Variants in DPH6 observed in about 807,000 individuals in gnomAD.
The protein encoded by DPH6 is diphthamine biosynthesis 6.
DPH6 carries 33 observed loss-of-function variants against 38.2 expected under a neutral mutation model. The observed-to-expected ratio is 0.86, with a 90% CI of 0.65 to 1.15. DPH6 has a LOEUF of 1.15. Ranked by LOEUF, DPH6 falls within the 50% of genes most tolerant of loss-of-function variation. DPH6 has a pLI of 0.00. For synonymous variants in DPH6, 108 were observed against 103.0 expected, an observed-to-expected ratio of 1.05 and a Z score of -0.30; for missense variants, 325 against 320.0, an observed-to-expected ratio of 1.02 and a Z score of -0.12.
At chr15:35,168,812 A>C in the DPH6 span, among the ~76,000 whole-genome samples, 523 of 152,290 alleles carry the variant, frequency 3.4e-3, 4 homozygotes, top group Middle Eastern at 0.02. Context: ...TCCTAGTAGA[A>C]CAACAATCAG....
intron 3 of DPH6, among the ~76,000 whole-genome samples, chr15:35,494,362 A>G (rs184343051): frequency 6.6e-6 from 1 of 152,254 alleles, no homozygotes. Context: ...TTCAAGTATC[A>G]AACTTCAAAA....
At chr15:35,442,326 G>A (rs1253207594) in intron 5 of DPH6, among the ~76,000 whole-genome samples, 2 of 152,140 alleles carry the variant, frequency 1.3e-5, no homozygotes, top group Non-Finnish European at 2.9e-5. Flanking sequence ...ACCACAATGA[G>A]ATAAGACTTT....
At chr15:35,431,816 C>G (rs1421294015) in intron 5 of DPH6, among the ~76,000 whole-genome samples, 1 of 151,904 alleles carries the variant, frequency 6.6e-6, no homozygotes, top group Non-Finnish European at 1.5e-5. Context: ...GAGATGGAGT[C>G]TCGCTCTGTC....
chr15:35,185,651 G>A, the DPH6 span, among the ~76,000 whole-genome samples: 2 of 151,148 alleles, frequency 1.3e-5, no homozygotes, highest in Non-Finnish European at 2.9e-5. Flanking sequence ...GAAAATTTTC[G>A]AGCGTAGAAG....
the DPH6 span, among the ~76,000 whole-genome samples, chr15:35,161,529 C>T: frequency 5.3e-5 from 8 of 151,960 alleles, no homozygotes; most frequent in East Asian, 1.5e-3. Flanking sequence ...TTTGTGTCTC[C>T]CCCAAGTTCA....
chr15:35,161,164 AAAC>A, the DPH6 span, among the ~76,000 whole-genome samples: 5 of 152,016 alleles, frequency 3.3e-5, no homozygotes, highest in African/African-American at 7.2e-5. Context: ...ACACAAAACA[AAAC>A]AACAACAACA....
At chr15:35,524,621 G>A (rs1157552105) in intron 3 of DPH6, among the ~76,000 whole-genome samples, 1 of 152,170 alleles carries the variant, frequency 6.6e-6, no homozygotes, top group Non-Finnish European at 1.5e-5. Context: ...CCTTGGATGA[G>A]TTACTTAACC....
At chr15:35,428,353 T>G (rs2053593917) in intron 5 of DPH6, among the ~76,000 whole-genome samples, 3 of 152,044 alleles carry the variant, frequency 2.0e-5, no homozygotes. Flanking sequence ...TTTGAAATTA[T>G]CTAATGGAGG....
downstream of DPH6, among the ~76,000 whole-genome samples, chr15:35,212,852 G>A (rs1489344830): frequency 6.6e-6 from 1 of 152,126 alleles, no homozygotes; most frequent in African/African-American, 2.4e-5. Flanking sequence ...TGCTTAAATA[G>A]TGCTTTATAA....
rs1056498967 is a variant in DPH6, at chr15:35,371,545, A to C, written c.*605T>G. ...AAAACATAAAGTCTATTTTTTGTAAAAGTTTTCTAAGGTCAACATAGTTAA... is the reference window on the plus strand; with the variant it reads ...AAAACATAAAGTCTATTTTTTGTAACAGTTTTCTAAGGTCAACATAGTTAA... On this transcript the variant is annotated 3_prime_UTR_variant, in exon 9 of 9. Transcript: ENST00000256538. 6.2e-6 allele frequency: 6 copies of C among 968,978 alleles called. No individual in the cohort carries two copies. The highest frequency in any genetic ancestry group is 1.2e-4 in the Admixed American group (2 of 16,178). 60.0% of individuals were successfully genotyped at this position (968,978 alleles called of 1,614,324 possible).
At position 35,469,148 on chromosome 15, in the gene DPH6, A is replaced by T. The variant is rs563040490; in HGVS notation, c.313-14328T>A. Reference sequence around the variant, plus strand: ...CAGCATGAACAGCATTATGTACCACACTTTGTAGGCCATGGTAAAGAATTT... The same window carrying T: ...CAGCATGAACAGCATTATGTACCACTCTTTGTAGGCCATGGTAAAGAATTT... On this transcript the variant is annotated intron_variant, in intron 3 of 8. Coordinates refer to ENST00000256538, the MANE Select transcript of DPH6 (RefSeq NM_080650.4). 5.9e-5 allele frequency among the ~76,000 whole-genome samples: 9 copies of T among 152,292 alleles called. No individual in the cohort carries two copies. In the South Asian group the frequency reaches 1.2e-3, roughly 21 times the overall value.
intron 3 of DPH6, among the ~76,000 whole-genome samples, chr15:35,477,909 G>A (rs2054281336): frequency 6.6e-6 from 1 of 152,026 alleles, no homozygotes; most frequent in Non-Finnish European, 1.5e-5. Flanking sequence ...TTACCCTGTA[G>A]CTATTATCAA....
rs528537507 is a variant in DPH6, at chr15:35,445,527, T to C, written c.505+5158A>G. Among the ~76,000 whole-genome samples the C allele has an allele frequency of 4.0e-4, 61 of 152,156 alleles. 1 individual carries two copies. The highest frequency in any genetic ancestry group is 6.8e-3 in the Middle Eastern group (2 of 294). On this transcript the variant is annotated intron_variant, in intron 5 of 8. Coordinates refer to ENST00000256538, the MANE Select transcript of DPH6 (RefSeq NM_080650.4). ...TATATTTGGAGAGATGTGTGACAAT[T>C]TGAAAAAACTCAACATATGAACCAT... is the stretch of plus-strand genomic sequence containing the variant.
chr15:35,488,017 C>T (rs2054427866), intron 3 of DPH6, among the ~76,000 whole-genome samples: 1 of 152,146 alleles, frequency 6.6e-6, no homozygotes, highest in Non-Finnish European at 1.5e-5. Flanking sequence ...AGGGCAGGGG[C>T]AAAATGCTGC....
At chr15:35,413,161 A>T (rs370651303) in intron 5 of DPH6, among the ~76,000 whole-genome samples, 3 of 151,656 alleles carry the variant, frequency 2.0e-5, no homozygotes, top group African/African-American at 7.3e-5. Flanking sequence ...ATAAAATAAA[A>T]AAATTTGGTA....
intron 5 of DPH6, among the ~76,000 whole-genome samples, chr15:35,423,421 G>A (rs965287229): frequency 6.6e-6 from 1 of 151,658 alleles, no homozygotes; most frequent in Non-Finnish European, 1.5e-5. Flanking sequence ...AGTTGCATGA[G>A]TTCCTTATAT....
chr15:35,301,994 TAA>T (rs1021864687), intron 3 of DPH6, among the ~76,000 whole-genome samples: 8 of 151,824 alleles, frequency 5.3e-5, no homozygotes, highest in African/African-American at 1.9e-4. Context: ...TAATAATAAT[TAA>T]AAAGATTTAA....
downstream of DPH6, among the ~76,000 whole-genome samples, chr15:35,366,982 G>A (rs2052666756): frequency 6.6e-6 from 1 of 151,734 alleles, no homozygotes; most frequent in African/African-American, 2.4e-5. Context: ...ACACAGAGAT[G>A]GCTAAACATT....
chr15:35,355,616 C>T (rs971417769), intron 3 of DPH6, among the ~76,000 whole-genome samples: 2 of 152,206 alleles, frequency 1.3e-5, no homozygotes, highest in African/African-American at 2.4e-5. Context: ...TATTGGCCCC[C>T]ACTCTCTTCT....
Sources: gnomAD v4.1 joint callset for allele counts (sites outside exome capture counted in the v4.1 genomes callset) on GRCh38, gnomAD v4.1.1 for gene constraint, MANE v1.5 for transcripts, NCBI Gene and HGNC (gene_info 2026-07-23, HGNC 2026-07-21) for gene names.